The following PRKG1 variants were observed in gnomAD, a reference collection of about 807,000 sequenced individuals.
The protein encoded by PRKG1 is protein kinase cGMP-dependent 1.
Under a neutral mutation model 88.1 loss-of-function variants are expected in PRKG1, and 35 were observed. That is an observed-to-expected ratio of 0.40 (90% CI 0.30 to 0.53). The LOEUF is 0.53. Ranked by LOEUF, PRKG1 falls within the 20% of genes least tolerant of loss-of-function variation. PRKG1 has a pLI of 0.59. For missense variants in PRKG1, 540 were observed against 839.8 expected (o/e 0.64, Z 4.41); for synonymous variants, 303 against 292.5 (o/e 1.04, Z -0.37).
intron 14 of PRKG1, among the ~76,000 whole-genome samples, chr10:52,288,381 T>C (rs2132459402): frequency 6.6e-6 from 1 of 152,182 alleles, no homozygotes; most frequent in Middle Eastern, 3.4e-3. Context: ...CCTAATGATT[T>C]TGGACTTCAT....
chr10:51,869,522 A>G (rs1841103659), intron 4 of PRKG1, among the ~76,000 whole-genome samples: 1 of 152,176 alleles, frequency 6.6e-6, no homozygotes, highest in Non-Finnish European at 1.5e-5. Flanking sequence ...CAGGGGAGAT[A>G]AAAGGACAGA....
intron 2 of PRKG1, among the ~76,000 whole-genome samples, chr10:51,460,999 T>TC (rs1323727480): frequency 2.6e-5 from 4 of 152,186 alleles, no homozygotes; most frequent in Non-Finnish European, 5.9e-5. Context: ...GTATATTGAC[T>TC]CTTTTTTTGC....
rs1841986800 is a variant in PRKG1, at chr10:51,901,822, A to T, written c.699-5685A>T. Among the ~76,000 whole-genome samples, 3 of 152,312 alleles carry T rather than the reference A, an allele frequency of 2.0e-5. No individual in the cohort carries two copies. In the South Asian group the frequency reaches 6.2e-4, roughly 32 times the overall value. On this transcript the variant is annotated intron_variant, in intron 4 of 17. Transcript: ENST00000373980. ...ATACCATGAGAGAAAGATAGCTTTC[A>T]TCCTATTTGTATTTCTTATTTACAG...
At chr10:52,067,114 A>G (rs1308129885) in intron 7 of PRKG1, among the ~76,000 whole-genome samples, 1 of 152,206 alleles carries the variant, frequency 6.6e-6, no homozygotes, top group African/African-American at 2.4e-5. Flanking sequence ...ATAACTTAGA[A>G]ATTGATATAA....
At position 51,361,281 on chromosome 10, in the gene PRKG1, C is replaced by A. The variant is rs1842475267; in HGVS notation, c.479-106442C>A. ...TACATGGCATGAACCGCTATACAGA[C>A]TTTCCCTATATTATCTCATTAAACC... On this transcript the variant is annotated intron_variant, in intron 2 of 17. Transcript: ENST00000373980. Among the ~76,000 whole-genome samples, 3 of 152,012 alleles carry A rather than the reference C, an allele frequency of 2.0e-5. No individual in the cohort carries two copies. The South Asian group carries it at 6.2e-4, about 32-fold the overall frequency.
chr10:52,062,729 G>GCTTA (rs1346156498), intron 7 of PRKG1, 98 bp downstream of exon 7: 121 of 842,164 alleles, frequency 1.4e-4, no homozygotes, highest in Non-Finnish European at 2.0e-4. Flanking sequence ...TTTATTTAGT[G>GCTTA]CTTATCTCAA....
chr10:52,176,909 GT>G (rs1008194276), intron 9 of PRKG1, among the ~76,000 whole-genome samples: 2 of 152,098 alleles, frequency 1.3e-5, no homozygotes, highest in African/African-American at 2.4e-5. Context: ...AAGGGTTTTT[GT>G]GGAGTCTGTA....
chr10:51,425,223 T>A (rs1435339283), intron 2 of PRKG1, among the ~76,000 whole-genome samples: 1 of 152,218 alleles, frequency 6.6e-6, no homozygotes, highest in Non-Finnish European at 1.5e-5. Flanking sequence ...TTTATAGTAA[T>A]CTCTTAAGGA....
chr10:51,157,639 A>G (rs982676027), intron 2 of PRKG1, among the ~76,000 whole-genome samples: 11 of 151,830 alleles, frequency 7.2e-5, no homozygotes, highest in Non-Finnish European at 1.0e-4. Context: ...ATTTATACCT[A>G]TTATAATGAT....
chr10:51,712,834 C>T (rs1589225089), intron 3 of PRKG1, among the ~76,000 whole-genome samples: 1 of 152,174 alleles, frequency 6.6e-6, no homozygotes, highest in African/African-American at 2.4e-5. Context: ...CATGATCCAC[C>T]TGCCTCGAAT....
intron 2 of PRKG1, among the ~76,000 whole-genome samples, chr10:51,444,256 A>T (rs1201968470): frequency 6.6e-6 from 1 of 151,672 alleles, no homozygotes; most frequent in Admixed American, 6.6e-5. Context: ...CTGGAAAGAA[A>T]AGCCAACAGA....
At chr10:51,096,970 A>T (rs1025476809) in intron 1 of PRKG1, among the ~76,000 whole-genome samples, 11 of 152,314 alleles carry the variant, frequency 7.2e-5, no homozygotes, top group Non-Finnish European at 8.8e-5. Context: ...TAAAATGTCA[A>T]TAGTGCATTA....
intron 2 of PRKG1, among the ~76,000 whole-genome samples, chr10:51,262,800 G>A (rs1409889541): frequency 6.6e-6 from 1 of 152,078 alleles, no homozygotes; most frequent in Non-Finnish European, 1.5e-5. Context: ...ACACTTTGAA[G>A]CCATCAGATC....
chr10:51,084,772 A>G (rs1369431613), intron 1 of PRKG1, among the ~76,000 whole-genome samples: 1 of 152,208 alleles, frequency 6.6e-6, no homozygotes, highest in African/African-American at 2.4e-5. Context: ...TTCTTTGAAC[A>G]TGAGGTAATT....
At chr10:52,242,159 T>C (rs1364734109) in intron 9 of PRKG1, 1 of 152,184 alleles carries the variant, frequency 6.6e-6, no homozygotes, top group East Asian at 1.9e-4. Flanking sequence ...GTCATTTTCA[T>C]CTATCTTCTT....
chr10:51,802,786 A>G (rs1310354390), intron 3 of PRKG1, among the ~76,000 whole-genome samples: 1 of 152,166 alleles, frequency 6.6e-6, no homozygotes, highest in Admixed American at 6.6e-5. Flanking sequence ...TTCATAGGAC[A>G]GGAAGGGACC....
chr10:51,469,150 G>A (rs537478739), intron 3 of PRKG1, among the ~76,000 whole-genome samples: 3 of 151,866 alleles, frequency 2.0e-5, no homozygotes, highest in African/African-American at 7.2e-5. Context: ...TACTTAAAAA[G>A]AACCTTAACT....
At chr10:51,026,037 T>G (rs374883246) in intron 1 of PRKG1, among the ~76,000 whole-genome samples, 3 of 152,114 alleles carry the variant, frequency 2.0e-5, no homozygotes, top group East Asian at 1.9e-4. Context: ...CCAGAAAATA[T>G]GCCATGTGAA....
At chr10:52,087,466 A>G (rs935439617) in intron 7 of PRKG1, among the ~76,000 whole-genome samples, 7 of 152,024 alleles carry the variant, frequency 4.6e-5, no homozygotes, top group African/African-American at 1.7e-4. Context: ...TTTATCTTTG[A>G]CTTTGCTTGT....
Sources: allele counts gnomAD v4.1 joint callset (sites outside exome capture counted in the v4.1 genomes callset), GRCh38; gene constraint gnomAD v4.1.1; transcripts MANE v1.5; gene names NCBI Gene and HGNC (gene_info 2026-07-23, HGNC 2026-07-21).